The following FGF9 variants were observed in gnomAD, a reference collection of about 807,000 sequenced individuals.
FGF9 encodes the protein fibroblast growth factor 9, also known as fibroblast growth factor 9 (glia-activating factor).
In FGF9, 3 loss-of-function variants were observed where a neutral mutation model predicts 19.9. That is an observed-to-expected ratio of 0.15 (90% CI 0.07 to 0.39). FGF9 has a LOEUF of 0.39. Ranked by LOEUF, FGF9 falls within the 10% of genes least tolerant of loss-of-function variation. FGF9 has a pLI of 1.00. For synonymous variants in FGF9, 107 were observed against 106.9 expected (o/e 1.00, Z -0.01); for missense variants, 175 against 256.8 (o/e 0.68, Z 2.18).
In FGF9 at chr13:21,672,023, G is replaced by A. The variant is rs1334355227; in HGVS notation, c.111G>A (p.Leu37=). ...VDSPVLLSDH[L]GQSEAGGLPR... ...GCCCGGTTTTGTTAAGTGACCACCT[G>A]GGTCAGTCCGAAGCAGGGGGGCTCC... Residue 37 remains leucine (L), a synonymous_variant, in exon 1 of 3, where the codon CTG becomes CTA. Coordinates refer to ENST00000382353, the MANE Select transcript of FGF9 (RefSeq NM_002010.3). This position sits in a 1 kb window ranked among gnomAD's most constrained non-coding sequence, Gnocchi z 4.2. The A allele has an allele frequency of 6.2e-7, 1 of 1,614,228 alleles. No individual in the cohort carries two copies.
chr13:21,698,182 C>G (rs979771249), intron 2 of FGF9, among the ~76,000 whole-genome samples: 1 of 152,140 alleles, frequency 6.6e-6, no homozygotes, highest in Non-Finnish European at 1.5e-5. Flanking sequence ...AGGGTGGTGG[C>G]TGTGCTAGGG....
At chr13:21,677,505 C>A (rs1871945152) in intron 1 of FGF9, among the ~76,000 whole-genome samples, 1 of 152,124 alleles carries the variant, frequency 6.6e-6, no homozygotes, top group Admixed American at 6.5e-5. Context: ...GAAGCACTTG[C>A]CTGGCACCAG....
chr13:21,678,546 G>A (rs374025929), intron 1 of FGF9, among the ~76,000 whole-genome samples: 54 of 152,228 alleles, frequency 3.5e-4, no homozygotes, highest in African/African-American at 1.3e-3. Context: ...CATTGCTGCT[G>A]CTGTTATTTT....
chr13:21,671,979 C>T lies in FGF9; in HGVS notation c.67C>T (p.Pro23Ser), dbSNP rs1426446815. ...GGATGCGGTACCGTTTGGGAATGTGCCCGTGTTGCCGGTGGACAGCCCGGT... is the reference window on the plus strand; with the variant it reads ...GGATGCGGTACCGTTTGGGAATGTGTCCGTGTTGCCGGTGGACAGCCCGGT... ...VQDAVPFGNVPVLPVDSPVLL... is the reference protein window; with the variant it reads ...VQDAVPFGNVSVLPVDSPVLL... Residue 23 changes from proline (P) to serine (S), a missense_variant, in exon 1 of 3, where the codon CCC (proline) becomes TCC (serine). Physicochemically the swap from Pro to Ser is moderately conservative, Grantham distance 74. Coordinates refer to ENST00000382353, the MANE Select transcript of FGF9 (RefSeq NM_002010.3). 3.7e-6 allele frequency: 6 copies of T among 1,614,184 alleles called. No homozygotes were observed. Among genetic ancestry groups the T allele is most frequent in the Non-Finnish European group, 5.1e-6 (6 of 1,180,028 alleles).
chr13:21,690,383 G>A (rs907172343), intron 2 of FGF9, among the ~76,000 whole-genome samples: 4 of 151,754 alleles, frequency 2.6e-5, no homozygotes, highest in African/African-American at 4.8e-5. Flanking sequence ...ACATACCCAC[G>A]TGCTTATACA....
intron 2 of FGF9, among the ~76,000 whole-genome samples, chr13:21,697,932 C>G (rs927097210): frequency 6.6e-6 from 1 of 151,920 alleles, no homozygotes; most frequent in Non-Finnish European, 1.5e-5. Context: ...CTCAGCCTCC[C>G]GAGTAGCTGG....
At chr13:21,699,329 G>A (rs1412723830) in intron 2 of FGF9, among the ~76,000 whole-genome samples, 3 of 152,174 alleles carry the variant, frequency 2.0e-5, no homozygotes, top group African/African-American at 7.2e-5. Flanking sequence ...CATCCTTTTT[G>A]TCTTTGCCTG....
intron 1 of FGF9, among the ~76,000 whole-genome samples, chr13:21,674,779 G>T (rs1202753959): frequency 7.9e-5 from 12 of 151,242 alleles, no homozygotes; most frequent in African/African-American, 2.2e-4. Flanking sequence ...TAGAAATCCC[G>T]TAACTCTGCC....
At chr13:21,676,198 A>G (rs2138129575) in intron 1 of FGF9, among the ~76,000 whole-genome samples, 1 of 152,326 alleles carries the variant, frequency 6.6e-6, no homozygotes, top group Non-Finnish European at 1.5e-5. Context: ...TAACTTGTTT[A>G]GGAAACCTAA....
rs774583506 is a variant in FGF9 at position 21,671,964 on chromosome 13, C to T, written c.52C>T (p.Pro18Ser). Reference protein sequence around the residue: ...GNYFGVQDAVPFGNVPVLPVD... With the variant: ...GNYFGVQDAVSFGNVPVLPVD... ...CTATTTCGGTGTGCAGGATGCGGTA[C>T]CGTTTGGGAATGTGCCCGTGTTGCC... The change falls in exon 1 of 3, where the codon CCG becomes TCG. Residue 18 changes from proline to serine, a missense_variant. By Grantham distance (74) the Pro-to-Ser change is moderately conservative. Around this residue, in one of 3 missense-constraint regions of FGF9, gnomAD observed 69 missense variants for 73.6 expected, o/e 0.94. Coordinates refer to ENST00000382353, the MANE Select transcript of FGF9 (RefSeq NM_002010.3). The T allele has an allele frequency of 5.0e-6, 8 of 1,614,126 alleles. No individual in the cohort carries two copies. The Admixed American group carries it at 6.7e-5, about 13-fold the overall frequency.
intron 2 of FGF9, among the ~76,000 whole-genome samples, chr13:21,688,385 G>A (rs145848355): frequency 1.3e-5 from 2 of 152,336 alleles, no homozygotes; most frequent in East Asian, 3.9e-4. Flanking sequence ...ATTGAGCATT[G>A]CCTTATGCTG....
chr13:21,695,739 A>T (rs1872392182), intron 2 of FGF9, among the ~76,000 whole-genome samples: 1 of 152,208 alleles, frequency 6.6e-6, no homozygotes, highest in Admixed American at 6.5e-5. Flanking sequence ...CAATATCATG[A>T]CTGTAATAAA....
In FGF9 at chr13:21,671,903, G is replaced by T; in HGVS notation, c.-10G>T. 6.2e-7 allele frequency: 1 copy of T among 1,614,094 alleles called. No homozygotes were observed. The highest frequency in any genetic ancestry group is 8.5e-7 in the Non-Finnish European group (1 of 1,180,034). ...TGTTTATTCTTGTGCTCCAAAAGCCGAGTCCTCTGATGGCTCCCTTAGGTG... is the reference window on the plus strand; with the variant it reads ...TGTTTATTCTTGTGCTCCAAAAGCCTAGTCCTCTGATGGCTCCCTTAGGTG... On this transcript the variant is annotated 5_prime_UTR_variant, in exon 1 of 3. Transcript: ENST00000382353.
chr13:21,698,608 C>G (rs1872469962), intron 2 of FGF9, among the ~76,000 whole-genome samples: 1 of 152,124 alleles, frequency 6.6e-6, no homozygotes, highest in Non-Finnish European at 1.5e-5. Flanking sequence ...CACATAAACT[C>G]ATTATCTTCT....
intron 2 of FGF9, among the ~76,000 whole-genome samples, chr13:21,689,272 T>C (rs546498058): frequency 1.3e-5 from 2 of 152,326 alleles, no homozygotes; most frequent in Admixed American, 6.5e-5. Context: ...TGGGAAGCCC[T>C]GAGTCAGATG....
Position 21,691,513 on chromosome 13 carries a change from G to A in FGF9, c.382-9677G>A, listed in dbSNP as rs746062092. 5.3e-5 allele frequency among the ~76,000 whole-genome samples: 8 copies of A among 152,220 alleles called. No individual in the cohort carries two copies. The highest frequency in any genetic ancestry group is 1.0e-4 in the Non-Finnish European group (7 of 68,048). On this transcript the variant is annotated intron_variant, in intron 2 of 2. Transcript: ENST00000382353. This position sits in a 1 kb window ranked among gnomAD's most constrained non-coding sequence, Gnocchi z 4.2. ...TCTTTCCTCTGTCCCTGCCTCATCT[G>A]CCTCATCTTGTCTCTGCTTCTGTTT...
intron 2 of FGF9, among the ~76,000 whole-genome samples, chr13:21,686,380 TA>T (rs1378025314): frequency 4.6e-5 from 7 of 152,184 alleles, no homozygotes; most frequent in African/African-American, 1.7e-4. Flanking sequence ...AATGCCTCCT[TA>T]AAAAAGAATG....
chr13:21,688,944 C>G (rs1006723627), intron 2 of FGF9, among the ~76,000 whole-genome samples: 39 of 152,106 alleles, frequency 2.6e-4, no homozygotes, highest in African/African-American at 8.5e-4. Flanking sequence ...ACATCCCAAG[C>G]TAGTATAGAA....
chr13:21,699,067 G>A (rs2138148279), intron 2 of FGF9, among the ~76,000 whole-genome samples: 1 of 152,344 alleles, frequency 6.6e-6, no homozygotes, highest in East Asian at 1.9e-4. Context: ...TTTCAATAGA[G>A]ATGAGAGGGA....
Sources: allele counts gnomAD v4.1 joint callset (sites outside exome capture counted in the v4.1 genomes callset), GRCh38; gene constraint gnomAD v4.1.1; regional missense constraint gnomAD v4.1.1; non-coding constraint Gnocchi (gnomAD v3.1); transcripts MANE v1.5; gene names NCBI Gene and HGNC (gene_info 2026-07-23, HGNC 2026-07-21).